FAT1: variants seen among roughly 807,000 people sequenced by gnomAD.
FAT1 encodes the protein FAT atypical cadherin 1, also known as protocadherin Fat 1.
In FAT1, 171 loss-of-function variants were observed where a neutral mutation model predicts 329.8. The ratio of observed to expected loss-of-function variants is 0.52; its 90% CI spans 0.46 to 0.59. The LOEUF is 0.59. Among genes scored for constraint, FAT1 ranks in the 20% least tolerant of loss-of-function variants. The probability of loss-of-function intolerance (pLI) is 0.00; values close to 1 mark genes in which losing one functional copy is unlikely to be tolerated. For synonymous variants in FAT1, 2,233 were observed against 2,228.6 expected (o/e 1.00, Z -0.06); for missense variants, 5,672 against 5,774.4 (o/e 0.98, Z 0.57).
chr4:186,724,503 T>C (rs1390459736), upstream of FAT1, among the ~76,000 whole-genome samples: 1 of 152,120 alleles, frequency 6.6e-6, no homozygotes, highest in Non-Finnish European at 1.5e-5. The surrounding 1 kb of genome is among the most constrained non-coding windows in gnomAD (Gnocchi z 5.3). Flanking sequence ...CCCAGGCCTG[T>C]GGGACAAAAG....
At chr4:186,624,797 G>A (rs1038944459) in intron 9 of FAT1, among the ~76,000 whole-genome samples, 1 of 152,142 alleles carries the variant, frequency 6.6e-6, no homozygotes, top group Non-Finnish European at 1.5e-5. Context: ...TTAAATGAAA[G>A]GCATTTGTAT....
chr4:186,648,333 TGGCTGAAAACTAAACTTA>T (rs895828462), intron 3 of FAT1, among the ~76,000 whole-genome samples: 1 of 152,218 alleles, frequency 6.6e-6, no homozygotes. Context: ...ACATATTTGA[TGGCTGAAAACTAAACTTA>T]GGCTGGAAAA....
At chr4:186,633,616 G>A (rs1356239317) in intron 7 of FAT1, 68 bp downstream of exon 7, 7 of 1,572,482 alleles carry the variant, frequency 4.5e-6, no homozygotes, top group South Asian at 2.2e-5. Flanking sequence ...CATATTGCCC[G>A]TGGACCCCTA....
intron 6 of FAT1, among the ~76,000 whole-genome samples, chr4:186,634,159 T>C (rs78451934): frequency 6.6e-6 from 1 of 152,210 alleles, no homozygotes; most frequent in African/African-American, 2.4e-5. Flanking sequence ...GTAGATACCA[T>C]CACTGGGCCA....
At chr4:186,694,110 A>C (rs1348217867) in intron 2 of FAT1, among the ~76,000 whole-genome samples, 5 of 151,706 alleles carry the variant, frequency 3.3e-5, no homozygotes, top group Non-Finnish European at 2.9e-5. Context: ...TTCTCACAAC[A>C]CTCAACCTCT....
In FAT1 at chr4:186,596,481, T is replaced by C. The variant is rs566224705; in HGVS notation, c.13000+59A>G. 43 of 1,540,914 alleles carry C rather than the reference T, an allele frequency of 2.8e-5. No individual in the cohort carries two copies. The highest frequency in any genetic ancestry group is 2.2e-4 in the African/African-American group (16 of 72,812). On this transcript the variant is annotated intron_variant, in intron 25 of 26. Transcript: ENST00000441802. This position sits in a 1 kb window ranked among gnomAD's most constrained non-coding sequence, Gnocchi z 4.7. ...TACACACATTTTGACTGGACAGAAT[T>C]TGTAACCTCACTGTTTATCTCAAGT...
At position 186,587,883 on chromosome 4, in the gene FAT1, T is replaced by C. The variant is rs933771175; in HGVS notation, c.*709A>G. The C allele has an allele frequency of 4.6e-6, 1 of 215,356 alleles. No individual in the cohort carries two copies. Among genetic ancestry groups the C allele is most frequent in the African/African-American group, 2.3e-5 (1 of 44,254 alleles). The allele number at this position is 215,356 out of a possible 1,614,324, so 13.3% of individuals were successfully genotyped here. The stretch of plus-strand genomic sequence containing the variant: ...TTACAAGACCATTGCATCACAAATA[T>C]ACAGACACTATAAAAACTGTGTCAT... On this transcript the variant is annotated 3_prime_UTR_variant, in exon 27 of 27. Transcript: ENST00000441802.
intron 3 of FAT1, among the ~76,000 whole-genome samples, chr4:186,649,645 A>G (rs896899139): frequency 6.6e-6 from 1 of 152,098 alleles, no homozygotes; most frequent in Middle Eastern, 3.2e-3. Flanking sequence ...GACTGGGAGG[A>G]GCGAGGATAG....
intron 3 of FAT1, among the ~76,000 whole-genome samples, chr4:186,643,883 AG>A (rs533453442): frequency 3.5e-4 from 52 of 150,226 alleles, no homozygotes; most frequent in African/African-American, 1.2e-3. Flanking sequence ...TTAACCTAGT[AG>A]GTAGTAAGTG....
Position 186,588,418 on chromosome 4 carries a change from A to C in FAT1, c.*174T>G. 1.5e-6 allele frequency: 1 copy of C among 677,912 alleles called. No individual in the cohort carries two copies. The highest frequency in any genetic ancestry group is 2.8e-5 in the East Asian group (1 of 36,060). The allele number at this position is 677,912 out of a possible 1,614,324, so 42.0% of individuals were successfully genotyped here. ...CACAGCCGATGAAAACCTCACGATGACAGTAGTTGGGACACTGGAAATGGC... is the reference window on the plus strand; with the variant it reads ...CACAGCCGATGAAAACCTCACGATGCCAGTAGTTGGGACACTGGAAATGGC... On this transcript the variant is annotated 3_prime_UTR_variant, in exon 27 of 27. Coordinates refer to ENST00000441802, the MANE Select transcript of FAT1 (RefSeq NM_005245.4).
At chr4:186,725,875 C>T (rs1745701984), upstream of FAT1, among the ~76,000 whole-genome samples, 1 of 152,178 alleles carries the variant, frequency 6.6e-6, no homozygotes, top group African/African-American at 2.4e-5. This position sits in a 1 kb window ranked among gnomAD's most constrained non-coding sequence, Gnocchi z 5.4. Flanking sequence ...ATTTTTGTAA[C>T]TCATATAAAG....
intron 2 of FAT1, among the ~76,000 whole-genome samples, chr4:186,669,089 C>G (rs1215457629): frequency 1.3e-5 from 2 of 152,112 alleles, no homozygotes; most frequent in African/African-American, 4.8e-5. Flanking sequence ...GTATATCCAC[C>G]CCCAAACTCT....
chr4:186,605,727 A>G (rs897144456), intron 17 of FAT1, among the ~76,000 whole-genome samples: 2 of 144,592 alleles, frequency 1.4e-5, no homozygotes, highest in African/African-American at 5.1e-5. Context: ...AGCGAGAAGG[A>G]AGGATTGGGG....
At chr4:186,661,067 T>C (rs966293659) in intron 3 of FAT1, among the ~76,000 whole-genome samples, 2 of 152,196 alleles carry the variant, frequency 1.3e-5, no homozygotes, top group Non-Finnish European at 1.5e-5. Flanking sequence ...AACAAATTAC[T>C]ATAGGGGTAG....
At chr4:186,592,579 A>G (rs1158494088) in intron 26 of FAT1, 2 of 416,614 alleles carry the variant, frequency 4.8e-6, no homozygotes, top group African/African-American at 2.1e-5. Flanking sequence ...AAAGGACTCA[A>G]CCCCCTCAAA....
rs746892436 is a variant in FAT1, at chr4:186,618,004, G to T, written c.8582C>A (p.Ala2861Asp). The T allele has an allele frequency of 6.2e-7, 1 of 1,613,972 alleles. No homozygotes were observed. Among genetic ancestry groups the T allele is most frequent in the South Asian group, 1.1e-5 (1 of 91,078 alleles). ...AATCCAGCCTGTTTCCATGTTAATG[G>T]CAAAGGATTCAATGACTTCCACACT... ...SQSVEVIESF[A>D]INMETGWITT... Residue 2861 changes from alanine (A) to aspartate (D), a missense_variant, in exon 10 of 27, where the codon GCC (alanine) becomes GAC (aspartate). Transcript: ENST00000441802.
intron 26 of FAT1, among the ~76,000 whole-genome samples, chr4:186,594,615 G>A (rs769883438): frequency 6.2e-4 from 85 of 136,592 alleles, no homozygotes; most frequent in East Asian, 3.1e-3. Context: ...CCATATATAC[G>A]GTATCAAAAT....
chr4:186,597,961 A>C lies in FAT1; in HGVS notation c.12257+11T>G, dbSNP rs1276361728. 1 of 1,592,342 alleles carries C rather than the reference A, an allele frequency of 6.3e-7. No individual in the cohort carries two copies. Among genetic ancestry groups the C allele is most frequent in the Admixed American group, 1.8e-5 (1 of 54,868 alleles). On this transcript the variant is annotated intron_variant, in intron 23 of 26. Coordinates refer to ENST00000441802, the MANE Select transcript of FAT1 (RefSeq NM_005245.4). ...ACAATTGATTATGAAAGTTAAGAAA[A>C]ATACACATACCTCTGACCAGTATAT... is the stretch of plus-strand genomic sequence containing the variant.
chr4:186,623,675 C>T lies in FAT1; in HGVS notation c.4811-1900G>A, dbSNP rs149364853. 5.3e-5 allele frequency among the ~76,000 whole-genome samples: 8 copies of T among 152,300 alleles called. No homozygotes were observed. The East Asian group carries it at 1.4e-3, about 26-fold the overall frequency. Reference sequence around the variant, plus strand: ...TTCTGCAAAACTTGCTCCCTGCCCTCCAGCCAAGTGGGCATTCTCTTTGTC... The same window carrying T: ...TTCTGCAAAACTTGCTCCCTGCCCTTCAGCCAAGTGGGCATTCTCTTTGTC... On this transcript the variant is annotated intron_variant, in intron 9 of 26. Coordinates refer to ENST00000441802, the MANE Select transcript of FAT1 (RefSeq NM_005245.4).
Sources: allele counts gnomAD v4.1 joint callset (sites outside exome capture counted in the v4.1 genomes callset), GRCh38; gene constraint gnomAD v4.1.1; non-coding constraint Gnocchi (gnomAD v3.1); transcripts MANE v1.5; gene names NCBI Gene and HGNC (gene_info 2026-07-23, HGNC 2026-07-21).